Variants in VPS53 observed in about 807,000 individuals in gnomAD.
The protein encoded by VPS53 is vacuolar protein sorting-associated protein 53 homolog.
In VPS53, 70 loss-of-function variants were observed where a neutral mutation model predicts 107.0. The observed-to-expected ratio is 0.65, with a 90% CI of 0.54 to 0.80. The LOEUF is 0.80. VPS53 is among the 30% of genes least tolerant of loss of function. The pLI, the probability that VPS53 is intolerant of heterozygous loss-of-function variation, is 0.00. For synonymous variants in VPS53, 409 were observed against 393.3 expected (o/e 1.04, Z -0.47); for missense variants, 917 against 1,049.4 (o/e 0.87, Z 1.74).
chr17:536,922 T>G, intron 18 of VPS53, 106 bp downstream of exon 18: 1 of 1,428,664 alleles, frequency 7.0e-7, no homozygotes, highest in South Asian at 1.4e-5. Context: ...ACACGGGAAA[T>G]CTCTGTGCTT....
intron 5 of VPS53, among the ~76,000 whole-genome samples, chr17:660,065 G>A (rs1172935739): frequency 6.6e-6 from 1 of 152,200 alleles, no homozygotes; most frequent in Non-Finnish European, 1.5e-5. Flanking sequence ...GAGACAGAAT[G>A]CCCATAGTTG....
intron 13 of VPS53, among the ~76,000 whole-genome samples, chr17:583,142 C>CCT (rs1967133866): frequency 1.4e-5 from 2 of 147,908 alleles, no homozygotes; most frequent in African/African-American, 5.0e-5. Flanking sequence ...CCCAGAGAAT[C>CCT]TCCCTCAGAA....
intron 2 of VPS53, among the ~76,000 whole-genome samples, chr17:705,168 G>A (rs1422794852): frequency 6.6e-6 from 1 of 152,088 alleles, no homozygotes. Context: ...TCACCTTACA[G>A]CCCACTCCAG....
chr17:586,250 A>T lies in VPS53; in HGVS notation c.1313+20T>A. Reference sequence around the variant, plus strand: ...GCGGCGAGAAATGCAGGCAGAAAACAGCGAATGTTCCTCACTCACTTGTCT... The same window carrying T: ...GCGGCGAGAAATGCAGGCAGAAAACTGCGAATGTTCCTCACTCACTTGTCT... On this transcript the variant is annotated intron_variant, in intron 13 of 21. Transcript: ENST00000437048. 1 of 1,610,938 alleles carries T rather than the reference A, an allele frequency of 6.2e-7. No homozygotes were observed. The highest frequency in any genetic ancestry group is 8.5e-7 in the Non-Finnish European group (1 of 1,177,118).
At chr17:684,035 T>A (rs1341015558) in intron 4 of VPS53, among the ~76,000 whole-genome samples, 2 of 152,220 alleles carry the variant, frequency 1.3e-5, no homozygotes, top group Non-Finnish European at 2.9e-5. Flanking sequence ...ACTCTCACAT[T>A]ACATGTGAAG....
At chr17:643,652 G>A (rs1043342937) in intron 7 of VPS53, among the ~76,000 whole-genome samples, 8 of 151,220 alleles carry the variant, frequency 5.3e-5, no homozygotes, top group Non-Finnish European at 1.2e-4. Flanking sequence ...CTTGGAAAGC[G>A]AGGACAACAC....
At chr17:601,190 T>C (rs536685597) in intron 12 of VPS53, 3 of 152,334 alleles carry the variant, frequency 2.0e-5, no homozygotes, top group South Asian at 2.1e-4. Flanking sequence ...CTAACCTCCC[T>C]TGTCATAACA....
intron 4 of VPS53, among the ~76,000 whole-genome samples, chr17:680,632 T>C (rs1354244009): frequency 1.3e-5 from 2 of 152,180 alleles, no homozygotes; most frequent in Non-Finnish European, 2.9e-5. Context: ...TGTGAAGATC[T>C]CTCCTTAACA....
intron 11 of VPS53, among the ~76,000 whole-genome samples, chr17:612,431 T>C (rs1968930941): frequency 7.3e-6 from 1 of 136,854 alleles, no homozygotes; most frequent in Non-Finnish European, 1.6e-5. Context: ...AGTGAAAACC[T>C]GTACAAATAT....
chr17:693,491 G>C (rs1484535330), intron 4 of VPS53, among the ~76,000 whole-genome samples: 2 of 152,148 alleles, frequency 1.3e-5, no homozygotes, highest in African/African-American at 4.8e-5. Context: ...GGAGCCCAAG[G>C]CAGGAGGATC....
At position 602,044 on chromosome 17, in the gene VPS53, G is replaced by A. The variant is rs114740822; in HGVS notation, c.1117-148C>T. The A allele has an allele frequency of 3.2e-3, 1,504 of 473,364 alleles. 19 individuals are homozygous for A. Among genetic ancestry groups the A allele is most frequent in the African/African-American group, 0.028 (1,379 of 49,944 alleles). 29.3% of individuals were successfully genotyped at this position (473,364 alleles called of 1,614,324 possible). On this transcript the variant is annotated intron_variant, in intron 11 of 21. Transcript: ENST00000437048. ...CTGAGGCAACCCAGACCACATTCTT[G>A]CCTCCGGGCCTTCACAGTGCTTTCC...
chr17:586,056 C>G lies in VPS53; in HGVS notation c.1313+214G>C, dbSNP rs34345377. On this transcript the variant is annotated intron_variant, in intron 13 of 21. Transcript: ENST00000437048. ...CCCAATGTAGGGATCCACTGGGGAC[C>G]TTATTAGGGGCAAACTCAGGCTCTG... Among the ~76,000 whole-genome samples, 22,404 of 152,064 alleles carry G rather than the reference C, an allele frequency of 0.15. 1,989 individuals are homozygous for G. Among genetic ancestry groups the G allele is most frequent in the South Asian group, 0.24 (1,140 of 4,812 alleles).
rs549117960 is a variant in VPS53 at position 692,906 on chromosome 17, C to T, written c.285+4512G>A. Reference sequence around the variant, plus strand: ...ATCCCAGCACTTTGGGAGGCCGAGGCGGGCGGACCATGAAGTCAGGAGTTT... The same window carrying T: ...ATCCCAGCACTTTGGGAGGCCGAGGTGGGCGGACCATGAAGTCAGGAGTTT... On this transcript the variant is annotated intron_variant, in intron 4 of 21. Coordinates refer to ENST00000437048, the MANE Select transcript of VPS53 (RefSeq NM_001128159.3). Among the ~76,000 whole-genome samples, 12 of 152,248 alleles carry T rather than the reference C, an allele frequency of 7.9e-5. No homozygotes were observed. In the East Asian group the frequency reaches 2.1e-3, roughly 27 times the overall value.
At chr17:554,772 A>G (rs770181137) in intron 15 of VPS53, among the ~76,000 whole-genome samples, 50 of 152,358 alleles carry the variant, frequency 3.3e-4, no homozygotes, top group South Asian at 6.2e-4. Flanking sequence ...TGGGGTGCAT[A>G]AATTAGCATA....
chr17:711,791 G>A (rs566260075), intron 1 of VPS53, among the ~76,000 whole-genome samples: 2 of 151,178 alleles, frequency 1.3e-5, no homozygotes, highest in South Asian at 4.2e-4. Context: ...ACTTATCAGA[G>A]ATGCATACGT....
chr17:601,707 A>G (rs890213395), intron 12 of VPS53, 88 bp downstream of exon 12: 2 of 1,014,540 alleles, frequency 2.0e-6, no homozygotes, highest in African/African-American at 1.7e-5. Flanking sequence ...CGTGGCCAAG[A>G]GCCAAAGGAT....
In VPS53 at chr17:511,909, C is replaced by T. The variant is rs1020534374; in HGVS notation, c.*7219G>A. The T allele has an allele frequency of 1.2e-4, 19 of 152,242 alleles. No individual in the cohort carries two copies. Among genetic ancestry groups the T allele is most frequent in the African/African-American group, 4.1e-4 (17 of 41,438 alleles). The allele number at this position is 152,242 out of a possible 1,614,324, so 9.4% of individuals were successfully genotyped here. ...GGAGGCTTTGGCAACCCTCGCAATT[C>T]GCATTCACAGGAGACATGCCCTATT... is the stretch of plus-strand genomic sequence containing the variant. On this transcript the variant is annotated 3_prime_UTR_variant, in exon 22 of 22. Coordinates refer to ENST00000437048, the MANE Select transcript of VPS53 (RefSeq NM_001128159.3).
At chr17:596,484 G>A (rs1364240219) in intron 12 of VPS53, among the ~76,000 whole-genome samples, 2 of 152,154 alleles carry the variant, frequency 1.3e-5, no homozygotes, top group Non-Finnish European at 2.9e-5. Context: ...ATCTGCAGAT[G>A]ACGCTGCCCT....
At chr17:676,010 G>C (rs552704126) in intron 4 of VPS53, among the ~76,000 whole-genome samples, 42 of 152,106 alleles carry the variant, frequency 2.8e-4, no homozygotes, top group Non-Finnish European at 5.6e-4. Context: ...AGGACGACAA[G>C]TTTCTGATGT....
Sources: gnomAD v4.1 joint callset for allele counts (sites outside exome capture counted in the v4.1 genomes callset) on GRCh38, gnomAD v4.1.1 for gene constraint, MANE v1.5 for transcripts, NCBI Gene and HGNC (gene_info 2026-07-23, HGNC 2026-07-21) for gene names.